TLK1: variants seen among roughly 807,000 people sequenced by gnomAD.
TLK1 encodes tousled like kinase 1, also known as serine/threonine-protein kinase tousled-like 1.
A neutral mutation model predicts 105.3 loss-of-function variants in TLK1; 24 were observed. That is an observed-to-expected ratio of 0.23 (90% CI 0.17 to 0.32). The LOEUF (loss-of-function observed/expected upper bound fraction) is 0.32. Among genes scored for constraint, TLK1 ranks in the 10% least tolerant of loss-of-function variants. TLK1 has a pLI of 1.00. For missense variants in TLK1, 558 were observed against 910.5 expected (o/e 0.61, Z 4.98); for synonymous variants, 321 against 310.4 (o/e 1.03, Z -0.36).
intron 1 of TLK1, among the ~76,000 whole-genome samples, chr2:171,183,168 A>T (rs867668046): frequency 3.3e-5 from 5 of 152,294 alleles, no homozygotes; most frequent in Middle Eastern, 6.8e-3. Context: ...AGTGTAATAT[A>T]TGTACATTAA....
At chr2:171,009,387 T>C (rs184826731) in intron 14 of TLK1, among the ~76,000 whole-genome samples, 200 of 129,376 alleles carry the variant, frequency 1.5e-3, no homozygotes, top group Middle Eastern at 0.015. Context: ...CACTGCAACC[T>C]CCCACCACCA....
At chr2:171,013,521 G>A (rs941919823) in intron 13 of TLK1, among the ~76,000 whole-genome samples, 6 of 151,476 alleles carry the variant, frequency 4.0e-5, no homozygotes, top group African/African-American at 9.7e-5. Flanking sequence ...GCTGAGGCTC[G>A]TTTTTGACTC....
intron 1 of TLK1, among the ~76,000 whole-genome samples, chr2:171,214,637 T>G (rs1247267427): frequency 6.6e-6 from 1 of 152,056 alleles, no homozygotes; most frequent in Non-Finnish European, 1.5e-5. Flanking sequence ...GGCTGAAAAA[T>G]TTGCATTTCT....
intron 1 of TLK1, among the ~76,000 whole-genome samples, chr2:171,227,568 C>CTTTTTTTTTTTTTTTTTTTTTTTT (rs71401413): frequency 1.4e-4 from 8 of 55,504 alleles, no homozygotes; most frequent in Non-Finnish European, 2.0e-4. Context: ...AGTAAATCTC[C>CTTTTTTTTTTTTTTTTTTTTTTTT]TTTTTTTTTT....
chr2:171,211,253 T>A (rs959228340), intron 1 of TLK1, among the ~76,000 whole-genome samples: 17 of 152,214 alleles, frequency 1.1e-4, no homozygotes, highest in African/African-American at 4.1e-4. Context: ...CAAGCATTGT[T>A]TTATTACTTA....
At chr2:171,229,608 A>G (rs900520697) in intron 1 of TLK1, among the ~76,000 whole-genome samples, 2 of 152,190 alleles carry the variant, frequency 1.3e-5, no homozygotes, top group Non-Finnish European at 2.9e-5. Flanking sequence ...GGAAAAATGG[A>G]CAGAATCTCT....
At chr2:171,097,058 T>C (rs139194794) in intron 2 of TLK1, among the ~76,000 whole-genome samples, 12 of 152,306 alleles carry the variant, frequency 7.9e-5, no homozygotes, top group African/African-American at 2.6e-4. Context: ...GGAGGCATCA[T>C]AGTACCTGAT....
intron 11 of TLK1, among the ~76,000 whole-genome samples, chr2:171,043,765 A>C (rs1686806595): frequency 6.6e-6 from 1 of 152,102 alleles, no homozygotes; most frequent in Non-Finnish European, 1.5e-5. Context: ...AAAGAAATAG[A>C]GACAAGGTCT....
intron 2 of TLK1, among the ~76,000 whole-genome samples, chr2:171,107,199 G>GCA (rs760929346): frequency 1.3e-5 from 2 of 152,130 alleles, no homozygotes; most frequent in African/African-American, 2.4e-5. Context: ...AACTCCTACT[G>GCA]CACCACCTTA....
At chr2:171,037,107 G>A (rs976846522) in intron 11 of TLK1, among the ~76,000 whole-genome samples, 3 of 152,046 alleles carry the variant, frequency 2.0e-5, no homozygotes, top group African/African-American at 7.2e-5. Flanking sequence ...AAATTAAAAA[G>A]AAGCAACAGC....
In TLK1 at chr2:171,144,882, C is replaced by CA. The variant is rs773215090; in HGVS notation, c.139+15407dup. Among the ~76,000 whole-genome samples, 4 of 152,124 alleles carry CA rather than the reference C, an allele frequency of 2.6e-5. No homozygotes were observed. In the East Asian group the frequency reaches 7.7e-4, roughly 29 times the overall value. ...GCCTTCAAGTATGGTTTTTAAAAGA[C>CA]AAACACAACAGACAAATGAACAAAA... On this transcript the variant is annotated intron_variant, in intron 1 of 20. Transcript: ENST00000431350.
rs144797739 is a variant in TLK1, at chr2:171,100,930, C to A, written c.258+16809G>T. On this transcript the variant is annotated intron_variant, in intron 2 of 20. Coordinates refer to ENST00000431350, the MANE Select transcript of TLK1 (RefSeq NM_012290.5). ...ACGGAAACAACCACCCAATGTCCAA[C>A]AACTCACAAAAGAACAAACAAAATG... 3.7e-4 allele frequency among the ~76,000 whole-genome samples: 56 copies of A among 152,284 alleles called. 1 individual carries two copies. The East Asian group carries it at 4.6e-3, about 13-fold the overall frequency.
At chr2:171,121,810 A>G (rs1314443595) in intron 1 of TLK1, among the ~76,000 whole-genome samples, 1 of 152,152 alleles carries the variant, frequency 6.6e-6, no homozygotes, top group Admixed American at 6.5e-5. Context: ...TTTTTCCCAG[A>G]TATATAGCTT....
Position 171,151,619 on chromosome 2 carries a change from C to T in TLK1, c.139+8671G>A, listed in dbSNP as rs537314749. On this transcript the variant is annotated intron_variant, in intron 1 of 20. Transcript: ENST00000431350. ...CCTCCCGAGTAGCTGGGACTACAGGCGCCCACCACCACGCCCAGCTAATTT... is the reference window on the plus strand; with the variant it reads ...CCTCCCGAGTAGCTGGGACTACAGGTGCCCACCACCACGCCCAGCTAATTT... Among the ~76,000 whole-genome samples the T allele has an allele frequency of 4.6e-5, 7 of 151,826 alleles. No individual in the cohort carries two copies. The East Asian group carries it at 5.8e-4, about 13-fold the overall frequency.
At chr2:171,198,974 A>G (rs1693348493) in intron 1 of TLK1, among the ~76,000 whole-genome samples, 1 of 152,246 alleles carries the variant, frequency 6.6e-6, no homozygotes, top group African/African-American at 2.4e-5. Context: ...ATGAATTATT[A>G]AAAGTAAAAC....
At chr2:171,130,117 A>T (rs1379550339) in intron 1 of TLK1, among the ~76,000 whole-genome samples, 1 of 152,182 alleles carries the variant, frequency 6.6e-6, no homozygotes, top group Non-Finnish European at 1.5e-5. Flanking sequence ...AATCTTGGTA[A>T]TAACGGCTGG....
At chr2:171,193,020 T>G (rs752264892) in intron 1 of TLK1, among the ~76,000 whole-genome samples, 2 of 152,264 alleles carry the variant, frequency 1.3e-5, no homozygotes, top group Admixed American at 6.5e-5. Flanking sequence ...TAAATGATTA[T>G]GGTGTAAAAC....
At chr2:171,062,484 CCAA>C (rs1481634430) in intron 3 of TLK1, among the ~76,000 whole-genome samples, 1 of 152,122 alleles carries the variant, frequency 6.6e-6, no homozygotes, top group African/African-American at 2.4e-5. Context: ...CTCCATTTTG[CCAA>C]CAAGATAACA....
chr2:171,135,726 C>T (rs560726326), intron 1 of TLK1, among the ~76,000 whole-genome samples: 1 of 151,916 alleles, frequency 6.6e-6, no homozygotes, highest in African/African-American at 2.4e-5. Flanking sequence ...CGCTTGAACC[C>T]GGGAGGCAGA....
Sources: allele counts gnomAD v4.1 joint callset (sites outside exome capture counted in the v4.1 genomes callset), GRCh38; gene constraint gnomAD v4.1.1; transcripts MANE v1.5; gene names NCBI Gene and HGNC (gene_info 2026-07-23, HGNC 2026-07-21).